LRRK1: variants seen among roughly 807,000 people sequenced by gnomAD.
The protein encoded by LRRK1 is leucine rich repeat kinase 1.
In LRRK1, 113 loss-of-function variants were observed where a neutral mutation model predicts 209.1. The observed-to-expected ratio is 0.54, with a 90% confidence interval of 0.46 to 0.63. The LOEUF (loss-of-function observed/expected upper bound fraction) is 0.63. Among genes scored for constraint, LRRK1 ranks in the 30% least tolerant of loss-of-function variants. LRRK1 has a pLI of 0.00. For missense variants in LRRK1, 2,284 were observed against 2,632.2 expected, an observed-to-expected ratio of 0.87 and a Z score of 2.89; for synonymous variants, 1,144 against 1,099.7, an observed-to-expected ratio of 1.04 and a Z score of -0.80.
chr15:100,942,900 A>T (rs1341471616), intron 2 of LRRK1, among the ~76,000 whole-genome samples: 1 of 152,126 alleles, frequency 6.6e-6, no homozygotes, highest in African/African-American at 2.4e-5. Flanking sequence ...GACGGCCTCC[A>T]TGTCCATGCT....
chr15:101,026,185 C>T (rs772082185), intron 17 of LRRK1, 48 bp downstream of exon 17: 13 of 1,565,992 alleles, frequency 8.3e-6, no homozygotes, highest in South Asian at 2.2e-5. Flanking sequence ...GGGTGCCAGT[C>T]GCTGATCTTT....
At chr15:100,950,879 A>C (rs369159471) in intron 2 of LRRK1, among the ~76,000 whole-genome samples, 1 of 152,146 alleles carries the variant, frequency 6.6e-6, no homozygotes, top group South Asian at 2.1e-4. Flanking sequence ...CAAGGCGGGC[A>C]GATCACGAGG....
chr15:101,002,715 T>C (rs2032756838), intron 6 of LRRK1, among the ~76,000 whole-genome samples: 1 of 151,972 alleles, frequency 6.6e-6, no homozygotes, highest in Non-Finnish European at 1.5e-5. Flanking sequence ...TAATGTCAAG[T>C]GCATGAACAT....
At chr15:101,006,014 A>T (rs2032932548) in intron 6 of LRRK1, among the ~76,000 whole-genome samples, 1 of 152,252 alleles carries the variant, frequency 6.6e-6, no homozygotes, top group African/African-American at 2.4e-5. Context: ...GCAGAAACAC[A>T]GAATTGTCAC....
chr15:101,027,867 C>T lies in LRRK1; in HGVS notation c.2686+70C>T. ...AACTGTCTGTACTTGCTAACTTCAG[C>T]TTGGCCTCAGTAATGAATGAGAGAC... On this transcript the variant is annotated intron_variant, in intron 19 of 33. Coordinates refer to ENST00000388948, the MANE Select transcript of LRRK1 (RefSeq NM_024652.6). This position sits in a 1 kb window ranked among gnomAD's most constrained non-coding sequence, Gnocchi z 5.1. The T allele has an allele frequency of 7.1e-7, 1 of 1,415,900 alleles. No homozygotes were observed. Among genetic ancestry groups the T allele is most frequent in the Non-Finnish European group, 9.5e-7 (1 of 1,050,464 alleles). The allele number at this position is 1,415,900 out of a possible 1,614,324, so 87.7% of individuals were successfully genotyped here.
intron 26 of LRRK1, 38 bp downstream of exon 26, chr15:101,053,458 G>A (rs1221509751): frequency 7.2e-6 from 11 of 1,522,552 alleles, no homozygotes; most frequent in East Asian, 2.4e-5. Context: ...CCCGGAGACC[G>A]ACAGAGCCCC....
intron 21 of LRRK1, among the ~76,000 whole-genome samples, chr15:101,047,030 G>A (rs1413861220): frequency 6.6e-6 from 1 of 152,188 alleles, no homozygotes; most frequent in Non-Finnish European, 1.5e-5. Flanking sequence ...ACTCCAGGGG[G>A]AACCCCGCAC....
chr15:100,924,662 C>G lies in LRRK1; in HGVS notation c.30C>G (p.Ser10Arg), dbSNP rs1186222914. The change falls in exon 2 of 34, where the codon AGC (serine) becomes AGG (arginine). Residue 10 changes from serine (S) to arginine (R), a missense_variant. Physicochemically the swap from Ser to Arg is moderately radical, Grantham distance 110. Transcript: ENST00000388948. The part of the protein sequence containing the change: MAGMSQRPP[S>R]MYWCVGPEES... The stretch of plus-strand genomic sequence containing the variant: ...CTGGCATGTCGCAAAGACCCCCCAG[C>G]ATGTACTGGTGTGTGGGGCCGGAGG... 1.2e-6 allele frequency: 2 copies of G among 1,614,166 alleles called. No individual in the cohort carries two copies. Among genetic ancestry groups the G allele is most frequent in the Admixed American group, 3.3e-5 (2 of 60,026 alleles).
chr15:100,957,599 A>G (rs1204721332), intron 2 of LRRK1, among the ~76,000 whole-genome samples: 1 of 152,202 alleles, frequency 6.6e-6, no homozygotes, highest in Non-Finnish European at 1.5e-5. Context: ...TCAGTCTGGT[A>G]TAAGTATCGC....
Position 101,077,688 on chromosome 15 carries a change from A to G in LRRK1, c.*8840A>G, listed in dbSNP as rs1197583133. On this transcript the variant is annotated 3_prime_UTR_variant, in exon 34 of 34. Transcript: ENST00000388948. ...CCTTCAGCTTAATCTCTCCCACTCT[A>G]GGTTCCCACGCCGCCCCGAATCCCG... is the stretch of plus-strand genomic sequence containing the variant. 2 of 152,134 alleles carry G rather than the reference A, an allele frequency of 1.3e-5. No homozygotes were observed. Among genetic ancestry groups the G allele is most frequent in the Non-Finnish European group, 2.9e-5 (2 of 68,024 alleles). 9.4% of individuals were successfully genotyped at this position (152,134 alleles called of 1,614,324 possible).
intron 6 of LRRK1, among the ~76,000 whole-genome samples, chr15:101,008,158 AAAAAAAAAAAAAAAAAAAG>A (rs1183379016): frequency 1.2e-4 from 12 of 101,166 alleles, no homozygotes; most frequent in African/African-American, 3.8e-4. Flanking sequence ...AAAAAAAAAA[AAAAAAAAAAAAAAAAAAAG>A]AGGCTGGCCT....
At chr15:101,057,958 C>G in intron 28 of LRRK1, 32 bp from the exon 29 acceptor site, 1 of 1,612,996 alleles carries the variant, frequency 6.2e-7, no homozygotes, top group Non-Finnish European at 8.5e-7. Context: ...TGTAAGTGAC[C>G]TTGCTCTCTT....
chr15:100,974,252 C>A (rs1396929164), intron 3 of LRRK1: 2 of 330,948 alleles, frequency 6.0e-6, no homozygotes, highest in East Asian at 9.2e-5. Context: ...AGAGGCTTAA[C>A]CTACTCTATT....
intron 2 of LRRK1, among the ~76,000 whole-genome samples, chr15:100,945,480 CTCTTTTTTTTTTTTTT>C (rs1251879293): frequency 1.7e-5 from 2 of 119,412 alleles, no homozygotes; most frequent in East Asian, 4.7e-4. Flanking sequence ...TCTGCAGAGC[CTCTTTTTTTTTTTTTT>C]TTTTTTTTTT....
chr15:100,940,204 GCTCT>G (rs147527161), intron 2 of LRRK1, among the ~76,000 whole-genome samples: 12 of 150,020 alleles, frequency 8.0e-5, no homozygotes, highest in African/African-American at 2.4e-4. Flanking sequence ...CACATGTCCT[GCTCT>G]CTCTCTCTCT....
In LRRK1 at chr15:101,070,332, T is replaced by A. The variant is rs1247650592; in HGVS notation, c.*1484T>A. Reference sequence around the variant, plus strand: ...TCTTTTTTTTTTTTTTTTTTTTTTTTTTACCAACCTGGGCACCAAGTCCCA... The same window carrying A: ...TCTTTTTTTTTTTTTTTTTTTTTTTATTACCAACCTGGGCACCAAGTCCCA... On this transcript the variant is annotated 3_prime_UTR_variant, in exon 34 of 34. Coordinates refer to ENST00000388948, the MANE Select transcript of LRRK1 (RefSeq NM_024652.6). 55 of 142,330 alleles carry A rather than the reference T, an allele frequency of 3.9e-4. No homozygotes were observed. The highest frequency in any genetic ancestry group is 6.4e-4 in the Admixed American group (9 of 14,164). 8.8% of individuals were successfully genotyped at this position (142,330 alleles called of 1,614,324 possible). A position where few individuals can be genotyped will look rare whatever the true frequency, so the allele number is the denominator to read the frequency against.
Position 101,072,878 on chromosome 15 carries a change from T to C in LRRK1, c.*4030T>C, listed in dbSNP as rs1035264359. ...CGCCCAGGTGAAATAAACAGCCTTG[T>C]TGCTCACACAAAGCCTGTTTGGTGG... On this transcript the variant is annotated 3_prime_UTR_variant, in exon 34 of 34. Transcript: ENST00000388948. 2 of 152,806 alleles carry C rather than the reference T, an allele frequency of 1.3e-5. No individual in the cohort carries two copies. The highest frequency in any genetic ancestry group is 4.8e-5 in the African/African-American group (2 of 41,410). The allele number at this position is 152,806 out of a possible 1,614,324, so 9.5% of individuals were successfully genotyped here.
intron 29 of LRRK1, among the ~76,000 whole-genome samples, chr15:101,060,556 T>G (rs974556729): frequency 2.0e-5 from 3 of 152,230 alleles, no homozygotes; most frequent in African/African-American, 7.2e-5. Context: ...GCTTAACATA[T>G]TCTCTTGAGT....
At chr15:101,067,229 G>A (rs1172192183) in intron 33 of LRRK1, 1 of 456,124 alleles carries the variant, frequency 2.2e-6, no homozygotes, top group Admixed American at 2.3e-5. Flanking sequence ...TCTGTGGGTG[G>A]GGACCCCCAG....
Sources: gnomAD v4.1 joint callset for allele counts (sites outside exome capture counted in the v4.1 genomes callset) on GRCh38, gnomAD v4.1.1 for gene constraint, Gnocchi (gnomAD v3.1) non-coding constraint, MANE v1.5 for transcripts, NCBI Gene and HGNC (gene_info 2026-07-23, HGNC 2026-07-21) for gene names.